Variants in SMYD3 observed in about 807,000 individuals in gnomAD.
SMYD3 encodes SET and MYND domain containing 3, also known as histone-lysine N-methyltransferase SMYD3.
Under a neutral mutation model 57.7 loss-of-function variants are expected in SMYD3, and 36 were observed. The ratio of observed to expected loss-of-function variants is 0.62; its 90% CI spans 0.48 to 0.82. The LOEUF (loss-of-function observed/expected upper bound fraction) is 0.82, where lower values mean the gene tolerates loss of function less well. Ranked by LOEUF, SMYD3 falls within the 40% of genes least tolerant of loss-of-function variation. The pLI, the probability that SMYD3 is intolerant of heterozygous loss-of-function variation, is 0.00. For missense variants in SMYD3, 515 were observed against 538.8 expected (o/e 0.96, Z 0.44); for synonymous variants, 211 against 195.0 (o/e 1.08, Z -0.68).
chr1:246,090,901 G>A (rs966435063), intron 5 of SMYD3, among the ~76,000 whole-genome samples: 4 of 152,046 alleles, frequency 2.6e-5, no homozygotes, highest in Non-Finnish European at 4.4e-5. Context: ...GCGAAATGAC[G>A]AAGCCCAGGT....
intron 5 of SMYD3, among the ~76,000 whole-genome samples, chr1:246,073,912 CA>C (rs2060500695): frequency 6.6e-6 from 1 of 152,182 alleles, no homozygotes; most frequent in Non-Finnish European, 1.5e-5. Context: ...GCCCATGTGT[CA>C]GGCACAATTT....
At position 246,200,440 on chromosome 1, in the gene SMYD3, G is replaced by A. The variant is rs112260338; in HGVS notation, c.531+126761C>T. 4.8e-5 allele frequency among the ~76,000 whole-genome samples: 7 copies of A among 144,762 alleles called. No individual in the cohort carries two copies. In the South Asian group the frequency reaches 1.1e-3, roughly 23 times the overall value. The allele number at this position is 144,762 out of a possible 152,430, so 95.0% of individuals were successfully genotyped here. The stretch of plus-strand genomic sequence containing the variant: ...AGACGCCCACTGTGATAGAGAAGAT[G>A]GAGAACAGCGTAGATGCTGAGCAAG... On this transcript the variant is annotated intron_variant, in intron 5 of 11. Coordinates refer to ENST00000490107, the MANE Select transcript of SMYD3 (RefSeq NM_001167740.2).
intron 5 of SMYD3, among the ~76,000 whole-genome samples, chr1:246,101,860 A>G (rs1289722401): frequency 6.6e-6 from 1 of 152,230 alleles, no homozygotes; most frequent in Admixed American, 6.5e-5. Flanking sequence ...AAAGCAGCCC[A>G]ATCTCCTACC....
intron 8 of SMYD3, among the ~76,000 whole-genome samples, chr1:245,886,854 G>A (rs1356623873): frequency 6.6e-6 from 1 of 152,108 alleles, no homozygotes; most frequent in Admixed American, 6.5e-5. Flanking sequence ...ATCCCTCCAT[G>A]ATGAAAATGC....
chr1:245,933,282 AT>A (rs2056826015), intron 5 of SMYD3, among the ~76,000 whole-genome samples: 1 of 152,334 alleles, frequency 6.6e-6, no homozygotes, highest in Admixed American at 6.5e-5. Context: ...TTAGAAAAAA[AT>A]ATTAATGGTA....
chr1:246,126,469 G>A (rs1282931572), intron 5 of SMYD3, among the ~76,000 whole-genome samples: 1 of 152,146 alleles, frequency 6.6e-6, no homozygotes, highest in East Asian at 1.9e-4. Context: ...GAATTATCAA[G>A]GAATGCAACA....
chr1:246,323,511 G>T (rs889567048), intron 5 of SMYD3, among the ~76,000 whole-genome samples: 1 of 149,858 alleles, frequency 6.7e-6, no homozygotes, highest in Non-Finnish European at 1.5e-5. Flanking sequence ...AACTTTTCAG[G>T]CAATAATCAT....
intron 5 of SMYD3, among the ~76,000 whole-genome samples, chr1:246,124,921 A>T (rs940266808): frequency 2.6e-5 from 4 of 152,078 alleles, no homozygotes; most frequent in Non-Finnish European, 5.9e-5. Context: ...TACAAAAAAA[A>T]ATTAGCCGGG....
intron 1 of SMYD3, among the ~76,000 whole-genome samples, chr1:246,457,617 T>A (rs1489385192): frequency 6.6e-6 from 1 of 151,598 alleles, no homozygotes; most frequent in Non-Finnish European, 1.5e-5. Flanking sequence ...TACCATGGCC[T>A]ATACAGCCTT....
At chr1:245,920,183 G>T (rs2055789959) in intron 7 of SMYD3, among the ~76,000 whole-genome samples, 1 of 151,962 alleles carries the variant, frequency 6.6e-6, no homozygotes, top group South Asian at 2.1e-4. Flanking sequence ...CGTGGTGGCG[G>T]GCGCCTGTAG....
rs1224766869 is a variant in SMYD3, at chr1:246,202,359, C to A, written c.531+124842G>T. 6.6e-6 allele frequency among the ~76,000 whole-genome samples: 1 copy of A among 152,088 alleles called. No homozygotes were observed. Among genetic ancestry groups the A allele is most frequent in the Non-Finnish European group, 1.5e-5 (1 of 68,026 alleles). On this transcript the variant is annotated intron_variant, in intron 5 of 11. Coordinates refer to ENST00000490107, the MANE Select transcript of SMYD3 (RefSeq NM_001167740.2). This position sits in a 1 kb window ranked among gnomAD's most constrained non-coding sequence, Gnocchi z 4.1. Reference sequence around the variant, plus strand: ...CCACCTTTACATTTTTCATATCTGACCGCCCTATCATTGGCCTATGAAGCT... The same window carrying A: ...CCACCTTTACATTTTTCATATCTGAACGCCCTATCATTGGCCTATGAAGCT...
intron 5 of SMYD3, among the ~76,000 whole-genome samples, chr1:246,151,284 C>A (rs1221795733): frequency 6.6e-6 from 1 of 151,556 alleles, no homozygotes; most frequent in Non-Finnish European, 1.5e-5. Context: ...GAAAAAATAG[C>A]CCCACAGCCC....
At chr1:245,870,521 A>T (rs2052127519) in intron 8 of SMYD3, among the ~76,000 whole-genome samples, 1 of 152,164 alleles carries the variant, frequency 6.6e-6, no homozygotes, top group Non-Finnish European at 1.5e-5. Context: ...TCCCTGCATG[A>T]ATCAGTGAGG....
intron 5 of SMYD3, among the ~76,000 whole-genome samples, chr1:246,272,284 C>G (rs1273877891): frequency 6.6e-6 from 1 of 152,012 alleles, no homozygotes; most frequent in Non-Finnish European, 1.5e-5. Context: ...CTTTTTCTTG[C>G]CTAAATGGTC....
At chr1:246,293,307 A>G (rs1205907777) in intron 5 of SMYD3, among the ~76,000 whole-genome samples, 1 of 152,160 alleles carries the variant, frequency 6.6e-6, no homozygotes. Flanking sequence ...CCTCATCTAC[A>G]TGTATTATGT....
chr1:245,857,780 C>T lies in SMYD3; in HGVS notation c.1076+716G>A, dbSNP rs116976522. Among the ~76,000 whole-genome samples, 25 of 152,248 alleles carry T rather than the reference C, an allele frequency of 1.6e-4. No homozygotes were observed. The East Asian group carries it at 4.3e-3, about 26-fold the overall frequency. ...CACCTTCTAGAATTATGTTCTCAGC[C>T]GACTGCAAATCAGGGTGCAGCATCC... On this transcript the variant is annotated intron_variant, in intron 10 of 11. Coordinates refer to ENST00000490107, the MANE Select transcript of SMYD3 (RefSeq NM_001167740.2).
At chr1:246,081,841 T>C (rs1271050537) in intron 5 of SMYD3, among the ~76,000 whole-genome samples, 1 of 152,220 alleles carries the variant, frequency 6.6e-6, no homozygotes, top group Admixed American at 6.5e-5. Flanking sequence ...GAATGATTGC[T>C]TGAGGCCTGG....
At chr1:246,374,709 T>C (rs981659255) in intron 1 of SMYD3, among the ~76,000 whole-genome samples, 13 of 152,210 alleles carry the variant, frequency 8.5e-5, no homozygotes, top group African/African-American at 2.9e-4. Context: ...TAGTGGCTCA[T>C]GCCTGTAATC....
intron 10 of SMYD3, among the ~76,000 whole-genome samples, chr1:245,786,213 CG>C (rs142982945): frequency 1.8e-4 from 19 of 104,058 alleles, no homozygotes; most frequent in South Asian, 7.3e-4. Context: ...GGGGTGTGGA[CG>C]GGGGGGGGAT....
Sources: gnomAD v4.1 joint callset for allele counts (sites outside exome capture counted in the v4.1 genomes callset) on GRCh38, gnomAD v4.1.1 for gene constraint, Gnocchi (gnomAD v3.1) non-coding constraint, MANE v1.5 for transcripts, NCBI Gene and HGNC (gene_info 2026-07-23, HGNC 2026-07-21) for gene names.